KCNQ3: variants seen among roughly 807,000 people sequenced by gnomAD.
KCNQ3 encodes the protein potassium voltage-gated channel subfamily KQT member 3.
Under a neutral mutation model 92.5 loss-of-function variants are expected in KCNQ3, and 30 were observed. That is an observed-to-expected ratio of 0.32 (90% CI 0.24 to 0.44). KCNQ3 has a LOEUF of 0.44. Among genes scored for constraint, KCNQ3 ranks in the 20% least tolerant of loss-of-function variants. The probability of loss-of-function intolerance (pLI) is 1.00; values close to 1 mark genes in which losing one functional copy is unlikely to be tolerated. For missense variants in KCNQ3, 913 were observed against 1,140.3 expected, an observed-to-expected ratio of 0.80 and a Z score of 2.87; for synonymous variants, 450 against 468.8, an observed-to-expected ratio of 0.96 and a Z score of 0.52.
intron 1 of KCNQ3, among the ~76,000 whole-genome samples, chr8:132,426,476 G>T (rs1192318902): frequency 6.6e-6 from 1 of 152,206 alleles, no homozygotes; most frequent in Non-Finnish European, 1.5e-5. Context: ...GATCCCACAT[G>T]CAATCCTCAT....
chr8:132,269,764 C>T (rs1262979018), intron 1 of KCNQ3, among the ~76,000 whole-genome samples: 1 of 152,190 alleles, frequency 6.6e-6, no homozygotes, highest in Non-Finnish European at 1.5e-5. Context: ...GACAAGGGCC[C>T]AGTCTCAGTA....
intron 1 of KCNQ3, among the ~76,000 whole-genome samples, chr8:132,436,714 A>G (rs1488664000): frequency 6.6e-6 from 1 of 152,174 alleles, no homozygotes; most frequent in Non-Finnish European, 1.5e-5. Flanking sequence ...ACTCATTTTT[A>G]ATCCTTAAGA....
chr8:132,355,828 T>C (rs1379571437), intron 1 of KCNQ3, among the ~76,000 whole-genome samples: 2 of 152,210 alleles, frequency 1.3e-5, no homozygotes, highest in African/African-American at 4.8e-5. Context: ...ACCTCTGAGA[T>C]ATATTCACCT....
At chr8:132,225,280 G>C (rs960151075) in intron 1 of KCNQ3, among the ~76,000 whole-genome samples, 1 of 152,172 alleles carries the variant, frequency 6.6e-6, no homozygotes, top group African/African-American at 2.4e-5. Context: ...AAAGGTAGAG[G>C]GCACTGAGTT....
At chr8:132,245,818 C>G (rs1815154632) in intron 1 of KCNQ3, among the ~76,000 whole-genome samples, 1 of 152,170 alleles carries the variant, frequency 6.6e-6, no homozygotes, top group African/African-American at 2.4e-5. Context: ...TTGTACATGC[C>G]TTCCTAGGCA....
chr8:132,187,875 AGTGATGGTGGCGGTGGTGGTGGTG>A (rs1827044193), intron 1 of KCNQ3, among the ~76,000 whole-genome samples: 1 of 21,000 alleles, frequency 4.8e-5, no homozygotes, highest in East Asian at 1.0e-3. Context: ...TGGTGGTGAT[AGTGATGGTGGCGGTGGTGGTGGTG>A]GTGATGGTGG....
intron 1 of KCNQ3, among the ~76,000 whole-genome samples, chr8:132,324,017 C>T (rs957172547): frequency 8.5e-5 from 13 of 152,200 alleles, no homozygotes; most frequent in East Asian, 1.9e-4. Context: ...TTCAGAAATT[C>T]CACACTGCTT....
At chr8:132,451,856 T>G (rs1378500163) in intron 1 of KCNQ3, among the ~76,000 whole-genome samples, 1 of 152,174 alleles carries the variant, frequency 6.6e-6, no homozygotes, top group Non-Finnish European at 1.5e-5. Flanking sequence ...GAGGACAAGC[T>G]TGGATGTTTG....
In KCNQ3 at chr8:132,480,481, C is replaced by T. The variant is rs755333945; in HGVS notation, c.52G>A (p.Gly18Arg). ...GCCGCCCCGCCGCCTCCGCCGCCCC[C>T]GTCGCCGCCGCCGCCAGCCGCCCCC... ...AAGAAGGGGDGGGGGGGAANP... is the reference protein window; with the variant it reads ...AAGAAGGGGDRGGGGGGAANP... The change falls in exon 1 of 15, where the codon GGG becomes AGG. Residue 18 changes from glycine (G) to arginine (R), a missense_variant. Coordinates refer to ENST00000388996, the MANE Select transcript of KCNQ3 (RefSeq NM_004519.4). The T allele has an allele frequency of 3.3e-6, 4 of 1,216,808 alleles. No individual in the cohort carries two copies. Among genetic ancestry groups the T allele is most frequent in the East Asian group, 3.5e-5 (1 of 28,692 alleles). 75.4% of individuals were successfully genotyped at this position (1,216,808 alleles called of 1,614,324 possible). A position where few individuals can be genotyped will look rare whatever the true frequency, so the allele number is the denominator to read the frequency against.
rs10505590 is a variant in KCNQ3, at chr8:132,174,577, G to A, written c.934-228C>T. Among the ~76,000 whole-genome samples, 7,783 of 152,256 alleles carry A rather than the reference G, an allele frequency of 0.051. 316 individuals are homozygous for A. Among genetic ancestry groups the A allele is most frequent in the Non-Finnish European group, 0.074 (5,025 of 68,022 alleles). On this transcript the variant is annotated intron_variant, in intron 5 of 14. Coordinates refer to ENST00000388996, the MANE Select transcript of KCNQ3 (RefSeq NM_004519.4). ...CCTTAGTCAGTCAACAAATATTTCA[G>A]CAATTGCAAATGTGTATGTACACGA...
At chr8:132,450,812 G>A (rs561108933) in intron 1 of KCNQ3, among the ~76,000 whole-genome samples, 15 of 152,284 alleles carry the variant, frequency 9.9e-5, no homozygotes, top group African/African-American at 1.9e-4. Flanking sequence ...CATCATCACC[G>A]TCCTCCCTTC....
chr8:132,419,492 C>T (rs1820908123), intron 1 of KCNQ3, among the ~76,000 whole-genome samples: 1 of 152,180 alleles, frequency 6.6e-6, no homozygotes, highest in African/African-American at 2.4e-5. Flanking sequence ...GTCCTGATTC[C>T]TGAGACCAGA....
rs960870944 is a variant in KCNQ3 at position 132,346,298 on chromosome 8, T to C, written c.386+133849A>G. 3.9e-5 allele frequency among the ~76,000 whole-genome samples: 6 copies of C among 152,200 alleles called. No homozygotes were observed. In the East Asian group the frequency reaches 7.7e-4, roughly 20 times the overall value. ...GCTGTCAGGTTCCAAAAAAGGCAGA[T>C]TGGCATTTCCACACTGGTTTTCTCT... On this transcript the variant is annotated intron_variant, in intron 1 of 14. Transcript: ENST00000388996.
At chr8:132,164,341 GT>G (rs72007031) in intron 8 of KCNQ3, among the ~76,000 whole-genome samples, 15,849 of 144,840 alleles carry the variant, frequency 0.11, 1,089 homozygotes, top group African/African-American at 0.19. Flanking sequence ...ATGTAGTCTC[GT>G]TTTTTTTTTT....
chr8:132,477,968 A>T (rs1186078126), intron 1 of KCNQ3, among the ~76,000 whole-genome samples: 1 of 152,072 alleles, frequency 6.6e-6, no homozygotes, highest in East Asian at 1.9e-4. Flanking sequence ...CGGACAAGTG[A>T]TTTTCTCTCT....
chr8:132,315,727 T>G (rs1351087460), intron 1 of KCNQ3, among the ~76,000 whole-genome samples: 1 of 151,760 alleles, frequency 6.6e-6, no homozygotes, highest in Non-Finnish European at 1.5e-5. Context: ...TTTCCTTGTG[T>G]CTGAAATATT....
At chr8:132,202,703 T>C (rs771037918) in intron 1 of KCNQ3, among the ~76,000 whole-genome samples, 6 of 152,172 alleles carry the variant, frequency 3.9e-5, no homozygotes, top group Non-Finnish European at 7.3e-5. Context: ...GTTCCTCATT[T>C]TCACATAAGA....
intron 1 of KCNQ3, among the ~76,000 whole-genome samples, chr8:132,223,560 C>T (rs996230306): frequency 7.2e-5 from 11 of 152,160 alleles, no homozygotes; most frequent in African/African-American, 2.7e-4. Context: ...AAATATGGCA[C>T]TATTGGGAAA....
At chr8:132,270,683 C>A (rs934854176) in intron 1 of KCNQ3, among the ~76,000 whole-genome samples, 3 of 152,186 alleles carry the variant, frequency 2.0e-5, no homozygotes, top group Non-Finnish European at 2.9e-5. Flanking sequence ...CCCAGCAAGT[C>A]TGAAATATCT....
Sources: allele counts gnomAD v4.1 joint callset (sites outside exome capture counted in the v4.1 genomes callset), GRCh38; gene constraint gnomAD v4.1.1; transcripts MANE v1.5; gene names NCBI Gene and HGNC (gene_info 2026-07-23, HGNC 2026-07-21).